The following SHISAL2B variants were observed in gnomAD, a reference collection of about 807,000 sequenced individuals.
SHISAL2B encodes protein shisa-like-2B.
A neutral mutation model predicts 16.5 loss-of-function variants in SHISAL2B; 12 were observed. The observed-to-expected ratio is 0.73, with a 90% CI of 0.47 to 1.18. The LOEUF (loss-of-function observed/expected upper bound fraction) is 1.18. Ranked by LOEUF, SHISAL2B falls within the 50% of genes most tolerant of loss-of-function variation. SHISAL2B has a pLI of 0.00. For synonymous variants in SHISAL2B, 72 were observed against 75.0 expected (o/e 0.96, Z 0.21); for missense variants, 183 against 193.6 (o/e 0.95, Z 0.33).
chr5:64,711,395 A>G (rs1741956082), intron 2 of SHISAL2B, among the ~76,000 whole-genome samples: 1 of 149,958 alleles, frequency 6.7e-6, no homozygotes, highest in East Asian at 1.9e-4. Context: ...AACCCACTTG[A>G]TCATGGTGGA....
chr5:64,712,209 A>T (rs1200012687), intron 2 of SHISAL2B, among the ~76,000 whole-genome samples: 1 of 148,796 alleles, frequency 6.7e-6, no homozygotes, highest in Non-Finnish European at 1.5e-5. Flanking sequence ...CACTGCTTTG[A>T]ATGTGTCCCA....
chr5:64,701,539 G>A (rs548166296), intron 2 of SHISAL2B, among the ~76,000 whole-genome samples: 17 of 152,152 alleles, frequency 1.1e-4, no homozygotes, highest in Admixed American at 5.9e-4. Flanking sequence ...TTTAGAAGGG[G>A]CTGGGGGAAG....
intron 2 of SHISAL2B, among the ~76,000 whole-genome samples, chr5:64,713,179 G>A (rs1426289252): frequency 5.4e-4 from 79 of 145,026 alleles, no homozygotes; most frequent in Non-Finnish European, 7.7e-4. Context: ...GGCTGGTACC[G>A]GTTGTTCCTT....
intron 2 of SHISAL2B, among the ~76,000 whole-genome samples, chr5:64,703,537 A>G (rs1741837818): frequency 6.6e-6 from 1 of 152,318 alleles, no homozygotes; most frequent in African/African-American, 2.4e-5. Context: ...TCCTCAAGGC[A>G]CAGAGTCAGG....
chr5:64,706,054 G>A (rs1741871810), intron 2 of SHISAL2B, among the ~76,000 whole-genome samples: 1 of 152,192 alleles, frequency 6.6e-6, no homozygotes, highest in Non-Finnish European at 1.5e-5. Flanking sequence ...CCAGCTACTT[G>A]GGAGGCAAGG....
intron 2 of SHISAL2B, among the ~76,000 whole-genome samples, chr5:64,716,675 G>C (rs1362979380): frequency 1.3e-5 from 2 of 152,138 alleles, no homozygotes; most frequent in African/African-American, 4.8e-5. Context: ...GAAGAGCATA[G>C]TAGACAGAGT....
chr5:64,709,499 C>T (rs981823296), intron 2 of SHISAL2B, among the ~76,000 whole-genome samples: 7 of 148,010 alleles, frequency 4.7e-5, no homozygotes, highest in Non-Finnish European at 8.9e-5. Flanking sequence ...AATAAACATA[C>T]GTGTGCATGT....
rs1362712692 is a variant in SHISAL2B at position 64,695,637 on chromosome 5, C to G, written c.322C>G (p.His108Asp). ...ATTAGACACTGGCCTTAAGCTTCAA[C>G]ACTTAGAGGCTTCTTCCACTCAAGA... ...QRLDTGLKLQHLEASSTQEGK... is the reference protein window; with the variant it reads ...QRLDTGLKLQDLEASSTQEGK... Residue 108 changes from histidine (H) to aspartate (D), a missense_variant, in exon 2 of 3, where the codon CAC becomes GAC. Physicochemically the swap from His to Asp is moderately conservative, Grantham distance 81. Coordinates refer to ENST00000389074, the MANE Select transcript of SHISAL2B (RefSeq NM_001164442.2). 1 of 1,534,050 alleles carries G rather than the reference C, an allele frequency of 6.5e-7. No individual in the cohort carries two copies. The highest frequency in any genetic ancestry group is 1.4e-5 in the African/African-American group (1 of 72,896).
chr5:64,702,175 T>C (rs1741817501), intron 2 of SHISAL2B, among the ~76,000 whole-genome samples: 1 of 152,118 alleles, frequency 6.6e-6, no homozygotes, highest in Non-Finnish European at 1.5e-5. Flanking sequence ...TATTTTCTAG[T>C]ATAGTTAATT....
chr5:64,697,318 G>A (rs959845608), intron 2 of SHISAL2B, among the ~76,000 whole-genome samples: 1 of 152,064 alleles, frequency 6.6e-6, no homozygotes, highest in Non-Finnish European at 1.5e-5. Context: ...AAATAATTGA[G>A]GCATATAAAA....
intron 2 of SHISAL2B, among the ~76,000 whole-genome samples, chr5:64,701,064 C>T (rs550708863): frequency 7.2e-5 from 11 of 152,246 alleles, no homozygotes; most frequent in Admixed American, 2.0e-4. Flanking sequence ...GTTGGGGACC[C>T]CTGCTTTAAA....
intron 2 of SHISAL2B, among the ~76,000 whole-genome samples, chr5:64,697,949 A>G (rs1741761973): frequency 6.6e-6 from 1 of 152,174 alleles, no homozygotes; most frequent in Non-Finnish European, 1.5e-5. Flanking sequence ...GTGTCACAGA[A>G]CAAGGGGGCC....
At chr5:64,714,782 C>G (rs904039746) in intron 2 of SHISAL2B, among the ~76,000 whole-genome samples, 1 of 152,114 alleles carries the variant, frequency 6.6e-6, no homozygotes, top group African/African-American at 2.4e-5. Context: ...GCGCAATATT[C>G]GGGTGGGAGT....
chr5:64,694,271 T>C, intron 1 of SHISAL2B: 2 of 356,026 alleles, frequency 5.6e-6, no homozygotes, highest in Non-Finnish European at 1.1e-5. Context: ...AGTTCTCAAA[T>C]GCTTTAAATA....
chr5:64,692,863 A>T (rs1741670427), intron 1 of SHISAL2B, among the ~76,000 whole-genome samples: 1 of 152,168 alleles, frequency 6.6e-6, no homozygotes, highest in African/African-American at 2.4e-5. Flanking sequence ...TCCAGGACTT[A>T]GGGAAATAAG....
At chr5:64,697,454 C>T (rs1356883154) in intron 2 of SHISAL2B, among the ~76,000 whole-genome samples, 3 of 152,168 alleles carry the variant, frequency 2.0e-5, no homozygotes, top group African/African-American at 7.2e-5. Context: ...GAACTAGGTC[C>T]TATTATTTCT....
At chr5:64,698,264 G>A (rs1355135675) in intron 2 of SHISAL2B, among the ~76,000 whole-genome samples, 1 of 152,180 alleles carries the variant, frequency 6.6e-6, no homozygotes, top group Non-Finnish European at 1.5e-5. Context: ...CCTGCTGTCT[G>A]CTCTCCAGAG....
At chr5:64,699,418 C>T (rs187687045) in intron 2 of SHISAL2B, among the ~76,000 whole-genome samples, 12 of 152,314 alleles carry the variant, frequency 7.9e-5, no homozygotes, top group African/African-American at 1.9e-4. Flanking sequence ...CTGTACCCTT[C>T]GTTAAATATG....
intron 2 of SHISAL2B, among the ~76,000 whole-genome samples, chr5:64,706,841 A>T (rs1360906298): frequency 6.6e-6 from 1 of 152,246 alleles, no homozygotes; most frequent in Admixed American, 6.5e-5. Flanking sequence ...CTTTAAAGAA[A>T]GCACAGCTTA....
Sources: gnomAD v4.1 joint callset for allele counts (sites outside exome capture counted in the v4.1 genomes callset) on GRCh38, gnomAD v4.1.1 for gene constraint, MANE v1.5 for transcripts, NCBI Gene and HGNC (gene_info 2026-07-23, HGNC 2026-07-21) for gene names.